Variants in FAT3 observed in about 807,000 individuals in gnomAD.
FAT3 encodes the protein protocadherin Fat 3.
In FAT3, 95 loss-of-function variants were observed where a neutral mutation model predicts 310.2. The ratio of observed to expected loss-of-function variants is 0.31; its 90% CI spans 0.26 to 0.36. FAT3 has a LOEUF of 0.36. Ranked by LOEUF, FAT3 falls within the 10% of genes least tolerant of loss-of-function variation. The probability of loss-of-function intolerance (pLI) is 1.00; values close to 1 mark genes in which losing one functional copy is unlikely to be tolerated. For synonymous variants in FAT3, 2,314 were observed against 2,192.9 expected, an observed-to-expected ratio of 1.06 and a Z score of -1.54; for missense variants, 5,408 against 5,715.6, an observed-to-expected ratio of 0.95 and a Z score of 1.74.
intron 1 of FAT3, among the ~76,000 whole-genome samples, chr11:92,288,550 T>C (rs1269431640): frequency 2.0e-5 from 3 of 152,130 alleles, no homozygotes; most frequent in Admixed American, 1.3e-4. Context: ...TTTCCTCATC[T>C]TAAATCCTCT....
intron 3 of FAT3, among the ~76,000 whole-genome samples, chr11:92,592,388 C>G (rs1005629466): frequency 5.5e-5 from 7 of 128,156 alleles, no homozygotes; most frequent in African/African-American, 2.1e-4. Flanking sequence ...ATGGCACAAT[C>G]TTGGCTTACT....
At chr11:92,448,609 T>A (rs1433017668) in intron 2 of FAT3, among the ~76,000 whole-genome samples, 1 of 152,188 alleles carries the variant, frequency 6.6e-6, no homozygotes, top group East Asian at 1.9e-4. Context: ...AGAAAAGGTG[T>A]TTGCTCAGGA....
chr11:92,729,002 T>C lies in FAT3; in HGVS notation c.3669+31557T>C, dbSNP rs1945089467. On this transcript the variant is annotated intron_variant, in intron 4 of 27. Coordinates refer to ENST00000525166, the MANE Select transcript of FAT3 (RefSeq NM_001367949.2). ...GTTCTAGAGATTAGGATTTGATATATTTGGTTTCATCATTCAACTCACTAC... is the reference window on the plus strand; with the variant it reads ...GTTCTAGAGATTAGGATTTGATATACTTGGTTTCATCATTCAACTCACTAC... Among the ~76,000 whole-genome samples the C allele has an allele frequency of 2.6e-5, 4 of 152,304 alleles. No individual in the cohort carries two copies. In the South Asian group the frequency reaches 8.3e-4, roughly 32 times the overall value.
At chr11:92,431,220 A>C (rs535176420) in intron 2 of FAT3, among the ~76,000 whole-genome samples, 7 of 152,206 alleles carry the variant, frequency 4.6e-5, no homozygotes, top group East Asian at 1.9e-4. Flanking sequence ...GTGTGAGATG[A>C]TATCTCATTG....
At chr11:92,417,612 CAGGTGGATCAGAACTCAAT>C (rs1950443319) in intron 2 of FAT3, among the ~76,000 whole-genome samples, 1 of 152,038 alleles carries the variant, frequency 6.6e-6, no homozygotes, top group Non-Finnish European at 1.5e-5. Flanking sequence ...AGCCATTTGA[CAGGTGGATCAGAACTCAAT>C]AGAAAGGGAA....
intron 4 of FAT3, among the ~76,000 whole-genome samples, chr11:92,737,106 A>C (rs1380177721): frequency 1.3e-5 from 2 of 152,212 alleles, no homozygotes; most frequent in African/African-American, 4.8e-5. Context: ...CAACTTTCAG[A>C]AGACTGAAAC....
At chr11:92,358,913 G>T (rs977363922) in intron 2 of FAT3, among the ~76,000 whole-genome samples, 1 of 152,156 alleles carries the variant, frequency 6.6e-6, no homozygotes, top group African/African-American at 2.4e-5. Flanking sequence ...TAACCTGTGG[G>T]CATAGAATGG....
At chr11:92,724,349 G>T (rs1944939486) in intron 4 of FAT3, among the ~76,000 whole-genome samples, 1 of 152,144 alleles carries the variant, frequency 6.6e-6, no homozygotes, top group African/African-American at 2.4e-5. Context: ...TGAGGTTCAG[G>T]ATCTGGACTT....
chr11:92,837,901 T>C, intron 17 of FAT3, 95 bp downstream of exon 17: 2 of 1,463,056 alleles, frequency 1.4e-6, no homozygotes, highest in Non-Finnish European at 1.9e-6. Flanking sequence ...CTACTATTAC[T>C]TAATGTCATC....
At chr11:92,460,974 A>G (rs1951624896) in intron 2 of FAT3, among the ~76,000 whole-genome samples, 1 of 152,196 alleles carries the variant, frequency 6.6e-6, no homozygotes, top group African/African-American at 2.4e-5. Flanking sequence ...GAGCTATGTG[A>G]ACCAGGAAAA....
At chr11:92,707,458 C>T (rs1224963825) in intron 4 of FAT3, among the ~76,000 whole-genome samples, 2 of 152,202 alleles carry the variant, frequency 1.3e-5, no homozygotes, top group Non-Finnish European at 2.9e-5. Flanking sequence ...GTAATAGCCT[C>T]AACCTCTGGC....
In FAT3 at chr11:92,269,354, G is replaced by A. The variant is rs562926748; in HGVS notation, c.-18+44180G>A. On this transcript the variant is annotated intron_variant, in intron 1 of 27. Coordinates refer to ENST00000525166, the MANE Select transcript of FAT3 (RefSeq NM_001367949.2). ...TTTAGGTCTGTGTTCACACCAGCAA[G>A]CAAGTATGTAGTGGGTCAGGTAGAC... Among the ~76,000 whole-genome samples the A allele has an allele frequency of 2.6e-5, 4 of 152,202 alleles. No individual in the cohort carries two copies. In the South Asian group the frequency reaches 8.3e-4, roughly 32 times the overall value.
In FAT3 at chr11:92,867,081, A is replaced by G; in HGVS notation, c.11999A>G (p.Asn4000Ser). The change falls in exon 22 of 28, where the codon AAC becomes AGC. Residue 4000 changes from asparagine to serine, a missense_variant. Physicochemically the swap from Asn to Ser is conservative, Grantham distance 46. This residue lies in a region of FAT3 where 4,588 missense variants were observed against 4,809.8 expected (regional missense o/e 0.95). Coordinates refer to ENST00000525166, the MANE Select transcript of FAT3 (RefSeq NM_001367949.2). ...AATAACAATGAGCTGCCGCTGCAGA[A>G]CAAGCGCAGCAGCTTCGCGGAGGTG... ...ILNNNELPLQ[N>S]KRSSFAEVVG... is the part of the protein sequence containing the mutation. 6.3e-7 allele frequency: 1 copy of G among 1,594,528 alleles called. No homozygotes were observed. Among genetic ancestry groups the G allele is most frequent in the Non-Finnish European group, 8.5e-7 (1 of 1,170,940 alleles).
At chr11:92,270,963 C>T (rs912603556) in intron 1 of FAT3, among the ~76,000 whole-genome samples, 5 of 152,050 alleles carry the variant, frequency 3.3e-5, no homozygotes, top group African/African-American at 9.7e-5. Flanking sequence ...TTAGCAAAGC[C>T]TGTCTGTTTG....
intron 3 of FAT3, among the ~76,000 whole-genome samples, chr11:92,604,364 T>C (rs547528340): frequency 1.1e-3 from 160 of 152,330 alleles, no homozygotes; most frequent in African/African-American, 3.6e-3. Context: ...TAATTAGTCC[T>C]TACTTCCTTC....
At chr11:92,783,428 G>A (rs1393278048) in intron 7 of FAT3, among the ~76,000 whole-genome samples, 1 of 149,886 alleles carries the variant, frequency 6.7e-6, no homozygotes, top group East Asian at 2.0e-4. Context: ...GAAAATGCTG[G>A]AACAACTACA....
At chr11:92,595,489 C>T (rs764432176) in intron 3 of FAT3, among the ~76,000 whole-genome samples, 1 of 152,180 alleles carries the variant, frequency 6.6e-6, no homozygotes, top group South Asian at 2.1e-4. Flanking sequence ...ACACAAATTG[C>T]TTTTCTTCCC....
At chr11:92,421,095 C>A (rs1950525080) in intron 2 of FAT3, among the ~76,000 whole-genome samples, 1 of 152,182 alleles carries the variant, frequency 6.6e-6, no homozygotes, top group Non-Finnish European at 1.5e-5. Flanking sequence ...AAAGAACAGA[C>A]CACATACTCT....
chr11:92,266,430 T>A (rs1373050820), intron 1 of FAT3, among the ~76,000 whole-genome samples: 2 of 152,206 alleles, frequency 1.3e-5, no homozygotes, highest in African/African-American at 4.8e-5. Context: ...GGGAGGCATA[T>A]TGAGCTGTGT....
Sources: gnomAD v4.1 joint callset for allele counts (sites outside exome capture counted in the v4.1 genomes callset) on GRCh38, gnomAD v4.1.1 for gene constraint, gnomAD v4.1.1 regional missense constraint, MANE v1.5 for transcripts, NCBI Gene and HGNC (gene_info 2026-07-23, HGNC 2026-07-21) for gene names.